The following FER variants were observed in gnomAD, a reference collection of about 807,000 sequenced individuals.
The protein encoded by FER is FER tyrosine kinase.
Under a neutral mutation model 111.0 loss-of-function variants are expected in FER, and 63 were observed. The observed-to-expected ratio is 0.57, with a 90% confidence interval of 0.46 to 0.70. FER has a LOEUF of 0.70. FER is among the 30% of genes least tolerant of loss of function. The probability of loss-of-function intolerance (pLI) is 0.00; values close to 1 mark genes in which losing one functional copy is unlikely to be tolerated. For synonymous variants in FER, 327 were observed against 313.9 expected, an observed-to-expected ratio of 1.04 and a Z score of -0.44; for missense variants, 914 against 954.0, an observed-to-expected ratio of 0.96 and a Z score of 0.55.
intron 16 of FER, among the ~76,000 whole-genome samples, chr5:109,082,637 T>G (rs1290927855): frequency 1.5e-5 from 1 of 64,648 alleles, no homozygotes; most frequent in African/African-American, 5.5e-5. Context: ...AGAAAGGGAT[T>G]TTTTTTTTGT....
chr5:109,176,269 T>C (rs577939190), intron 17 of FER, among the ~76,000 whole-genome samples: 36 of 152,330 alleles, frequency 2.4e-4, no homozygotes, highest in African/African-American at 8.4e-4. Flanking sequence ...ATGTGGTGTG[T>C]ATACATACAT....
At chr5:108,946,703 C>T (rs1757031617) in intron 11 of FER, among the ~76,000 whole-genome samples, 3 of 152,106 alleles carry the variant, frequency 2.0e-5, no homozygotes, top group South Asian at 4.1e-4. Flanking sequence ...GTGGGTTTGG[C>T]ATATCACAGT....
intron 19 of FER, among the ~76,000 whole-genome samples, chr5:109,186,606 G>A (rs965510099): frequency 1.3e-5 from 2 of 152,142 alleles, no homozygotes; most frequent in African/African-American, 4.8e-5. Flanking sequence ...GAGAAATAGG[G>A]TGGTGTTTCT....
chr5:109,100,641 T>G (rs1748108997), intron 17 of FER, 122 bp downstream of exon 17: 1 of 1,059,222 alleles, frequency 9.4e-7, no homozygotes, highest in Non-Finnish European at 1.3e-6. Flanking sequence ...TTTTCTGTAT[T>G]TTGTGTGAAA....
intron 1 of FER, among the ~76,000 whole-genome samples, chr5:108,749,635 A>C: frequency 6.6e-6 from 1 of 151,784 alleles, no homozygotes; most frequent in Admixed American, 6.6e-5. Flanking sequence ...CCCCCACCTC[A>C]TCTTTCTCCT....
intron 16 of FER, among the ~76,000 whole-genome samples, chr5:109,077,369 A>T (rs1395925705): frequency 2.0e-5 from 3 of 152,216 alleles, no homozygotes; most frequent in Non-Finnish European, 4.4e-5. Context: ...TGGACAATTA[A>T]CCAAAAAGCC....
intron 17 of FER, among the ~76,000 whole-genome samples, chr5:109,128,297 C>T (rs896417446): frequency 4.6e-5 from 7 of 151,628 alleles, no homozygotes; most frequent in Admixed American, 3.3e-4. Flanking sequence ...TCTTTCAGTT[C>T]CCAGATTCTC....
intron 14 of FER, among the ~76,000 whole-genome samples, chr5:109,041,902 AG>A (rs1225357824): frequency 2.0e-5 from 3 of 152,168 alleles, no homozygotes; most frequent in African/African-American, 7.2e-5. Flanking sequence ...GGGCATTAGT[AG>A]GATTATATGT....
chr5:108,974,720 G>A (rs562878947), intron 13 of FER, among the ~76,000 whole-genome samples: 86 of 152,306 alleles, frequency 5.6e-4, no homozygotes, highest in African/African-American at 1.9e-3. Context: ...GGTAGAAGTC[G>A]TAGTCAGACA....
At chr5:109,094,106 A>G (rs1015634600) in intron 16 of FER, among the ~76,000 whole-genome samples, 4 of 151,338 alleles carry the variant, frequency 2.6e-5, no homozygotes, top group Admixed American at 2.6e-4. Context: ...GTGCATGTGT[A>G]TTTGTGTGTA....
chr5:108,976,533 G>A (rs1761367326), intron 13 of FER, among the ~76,000 whole-genome samples: 1 of 151,926 alleles, frequency 6.6e-6, no homozygotes, highest in Admixed American at 6.6e-5. Context: ...TGGGGGTGAC[G>A]GGTGCTGACC....
intron 3 of FER, chr5:108,820,047 A>G (rs1580713836): frequency 1.0e-6 from 1 of 985,350 alleles, no homozygotes; most frequent in Non-Finnish European, 1.2e-6. Context: ...AGGGAATGGG[A>G]AAGAGTGGAG....
intron 13 of FER, among the ~76,000 whole-genome samples, chr5:109,009,778 T>G (rs77970967): frequency 0.026 from 3,970 of 152,340 alleles, 74 homozygotes; most frequent in Middle Eastern, 0.048. Context: ...TTTACTCATG[T>G]ATTTGCATTC....
intron 3 of FER, among the ~76,000 whole-genome samples, chr5:108,813,487 C>T (rs939223778): frequency 1.3e-5 from 2 of 152,058 alleles, no homozygotes; most frequent in African/African-American, 2.4e-5. Flanking sequence ...TCTCCCTCTT[C>T]CTTTTATCTT....
intron 13 of FER, among the ~76,000 whole-genome samples, chr5:109,028,824 T>C (rs2149852738): frequency 6.6e-6 from 1 of 152,314 alleles, no homozygotes; most frequent in South Asian, 2.1e-4. Flanking sequence ...TGCAAGGCCA[T>C]GTGTGATACC....
At chr5:108,936,914 AATTTCCTACT>A (rs1176777270) in intron 10 of FER, among the ~76,000 whole-genome samples, 2 of 151,964 alleles carry the variant, frequency 1.3e-5, no homozygotes, top group African/African-American at 4.8e-5. Flanking sequence ...TGTTTTTGAG[AATTTCCTACT>A]ATTTAAATAG....
At chr5:109,014,609 T>A (rs1007211584) in intron 13 of FER, among the ~76,000 whole-genome samples, 2 of 152,180 alleles carry the variant, frequency 1.3e-5, no homozygotes, top group African/African-American at 4.8e-5. Context: ...TTTTTTCCAA[T>A]TCTGTGAAGA....
At chr5:108,844,753 A>G (rs1023892712) in intron 5 of FER, among the ~76,000 whole-genome samples, 16 of 151,986 alleles carry the variant, frequency 1.1e-4, no homozygotes, top group African/African-American at 3.6e-4. Context: ...AAAAGGAACC[A>G]TATAGTACAC....
chr5:108,914,931 G>A (rs1752061329), intron 10 of FER, among the ~76,000 whole-genome samples: 2 of 152,164 alleles, frequency 1.3e-5, no homozygotes, highest in South Asian at 4.1e-4. Context: ...CTTTTCTGTG[G>A]TATAGCCAGG....
Sources: gnomAD v4.1 joint callset for allele counts (sites outside exome capture counted in the v4.1 genomes callset) on GRCh38, gnomAD v4.1.1 for gene constraint, MANE v1.5 for transcripts, NCBI Gene and HGNC (gene_info 2026-07-23, HGNC 2026-07-21) for gene names.